The following BCL9 variants were observed in gnomAD, a reference collection of about 807,000 sequenced individuals.
BCL9 encodes the protein B-cell CLL/lymphoma 9 protein.
A neutral mutation model predicts 88.5 loss-of-function variants in BCL9; 25 were observed. The observed-to-expected ratio is 0.28, with a 90% CI of 0.21 to 0.39. The LOEUF (loss-of-function observed/expected upper bound fraction) is 0.39, where lower values mean the gene tolerates loss of function less well. Among genes scored for constraint, BCL9 ranks in the 10% least tolerant of loss-of-function variants. The pLI is 1.00. For missense variants in BCL9, 1,817 were observed against 1,877.8 expected, an observed-to-expected ratio of 0.97 and a Z score of 0.60; for synonymous variants, 711 against 673.3, an observed-to-expected ratio of 1.06 and a Z score of -0.87.
rs781788007 is a variant in BCL9 at position 147,622,302 on chromosome 1, T to C, written c.2934T>C (p.Pro978=). 1 of 1,614,212 alleles carries C rather than the reference T, an allele frequency of 6.2e-7. No individual in the cohort carries two copies. The highest frequency in any genetic ancestry group is 1.1e-5 in the South Asian group (1 of 91,090). ...CCCCACCTCCTACAGCCAGCCAGCCTGCCTCTGTGAATATCCCTGGAAGTC... is the reference window on the plus strand; with the variant it reads ...CCCCACCTCCTACAGCCAGCCAGCCCGCCTCTGTGAATATCCCTGGAAGTC... ...GGPPPPTASQ[P]ASVNIPGSLP... is the part of the protein sequence containing the mutation. The change falls in exon 9 of 10, where the codon CCT becomes CCC. Residue 978 remains proline (P), a synonymous_variant. Coordinates refer to ENST00000234739, the MANE Select transcript of BCL9 (RefSeq NM_004326.4).
chr1:147,600,873 A>G (rs1553201168), intron 1 of BCL9, among the ~76,000 whole-genome samples: 4 of 152,160 alleles, frequency 2.6e-5, no homozygotes, highest in Non-Finnish European at 4.4e-5. Context: ...TCACTGAGTC[A>G]TTGTGGGGGT....
chr1:147,601,076 A>AT (rs2101590086), intron 1 of BCL9, among the ~76,000 whole-genome samples: 2 of 152,238 alleles, frequency 1.3e-5, no homozygotes, highest in South Asian at 4.1e-4. Context: ...CTGTAATAGT[A>AT]TTGCTGGGGG....
chr1:147,590,020 A>G (rs1656783294), intron 1 of BCL9, among the ~76,000 whole-genome samples: 1 of 152,138 alleles, frequency 6.6e-6, no homozygotes, highest in Non-Finnish European at 1.5e-5. Flanking sequence ...CTTTTTTATT[A>G]TAGGCATTCC....
intron 1 of BCL9, chr1:147,600,192 C>G: frequency 6.2e-6 from 1 of 160,104 alleles, no homozygotes; most frequent in Admixed American, 6.6e-5. Flanking sequence ...TGGGACGGCG[C>G]CGCCGCCGCC....
At chr1:147,621,124 T>C (rs1658616773) in intron 8 of BCL9, 67 bp downstream of exon 8, 5 of 1,466,938 alleles carry the variant, frequency 3.4e-6, no homozygotes, top group Non-Finnish European at 4.6e-6. Context: ...ATAGTTACTT[T>C]AAGAAAACTG....
chr1:147,563,130 C>T (rs1655457673), intron 1 of BCL9, among the ~76,000 whole-genome samples: 1 of 152,240 alleles, frequency 6.6e-6, no homozygotes, highest in African/African-American at 2.4e-5. Context: ...AATGTCACCT[C>T]TTCAGAGAGC....
intron 1 of BCL9, among the ~76,000 whole-genome samples, chr1:147,549,985 C>A (rs1654814011): frequency 6.6e-6 from 1 of 152,140 alleles, no homozygotes; most frequent in Admixed American, 6.5e-5. Context: ...TCTACTCTTC[C>A]CACTTCATGG....
chr1:147,588,813 C>T (rs1656727285), intron 1 of BCL9, among the ~76,000 whole-genome samples: 1 of 152,184 alleles, frequency 6.6e-6, no homozygotes, highest in South Asian at 2.1e-4. Context: ...CCTGCACTCC[C>T]TAATGCTGAT....
intron 1 of BCL9, among the ~76,000 whole-genome samples, chr1:147,582,317 C>T (rs1191826831): frequency 6.6e-6 from 1 of 152,206 alleles, no homozygotes; most frequent in South Asian, 2.1e-4. Context: ...GTATAAATTT[C>T]TGTCCAAGTT....
At chr1:147,606,166 G>T (rs1242396561) in intron 2 of BCL9, among the ~76,000 whole-genome samples, 2 of 152,076 alleles carry the variant, frequency 1.3e-5, no homozygotes, top group Admixed American at 6.6e-5. Context: ...GTTCTGCTTG[G>T]CCAGTACTTA....
chr1:147,614,661 G>T, intron 6 of BCL9, 45 bp downstream of exon 6: 1 of 1,520,930 alleles, frequency 6.6e-7, no homozygotes, highest in Non-Finnish European at 8.9e-7. Context: ...GCTTGTCTGG[G>T]GACCTAAATT....
At chr1:147,605,853 A>T (rs1409510092) in intron 2 of BCL9, among the ~76,000 whole-genome samples, 1 of 152,196 alleles carries the variant, frequency 6.6e-6, no homozygotes, top group Non-Finnish European at 1.5e-5. Flanking sequence ...ATAGAAATGA[A>T]ATTTGTTAAA....
chr1:147,621,750 G>A (rs1303699429), intron 8 of BCL9, among the ~76,000 whole-genome samples: 1 of 152,090 alleles, frequency 6.6e-6, no homozygotes, highest in Non-Finnish European at 1.5e-5. Context: ...CTCTCTGTAG[G>A]GTAGCAGTTC....
chr1:147,550,044 C>T (rs937181562), intron 1 of BCL9, among the ~76,000 whole-genome samples: 1 of 152,170 alleles, frequency 6.6e-6, no homozygotes, highest in Non-Finnish European at 1.5e-5. Flanking sequence ...GCAATTTTCC[C>T]TGATAATTGC....
chr1:147,617,456 C>T (rs12072836), intron 7 of BCL9, among the ~76,000 whole-genome samples: 2,869 of 152,286 alleles, frequency 0.019, 112 homozygotes, highest in African/African-American at 0.065. Context: ...GTGACCTCTA[C>T]ACTCCAGTTA....
chr1:147,558,754 C>T (rs1465441995), intron 1 of BCL9, among the ~76,000 whole-genome samples: 1 of 152,140 alleles, frequency 6.6e-6, no homozygotes, highest in Non-Finnish European at 1.5e-5. Context: ...TCTTTCTCTC[C>T]AGCTACTATA....
chr1:147,573,328 C>T (rs1655966803), intron 1 of BCL9, among the ~76,000 whole-genome samples: 1 of 152,164 alleles, frequency 6.6e-6, no homozygotes, highest in Non-Finnish European at 1.5e-5. Context: ...TGGCACATGC[C>T]TGTAATCCCA....
intron 1 of BCL9, among the ~76,000 whole-genome samples, chr1:147,550,018 T>C (rs1553194663): frequency 6.6e-6 from 1 of 152,226 alleles, no homozygotes; most frequent in Non-Finnish European, 1.5e-5. Flanking sequence ...GTTTCTTTCC[T>C]TACATTCTTT....
intron 1 of BCL9, among the ~76,000 whole-genome samples, chr1:147,598,213 C>A (rs1259226024): frequency 1.3e-5 from 2 of 152,188 alleles, no homozygotes; most frequent in African/African-American, 4.8e-5. Context: ...GGGTTCTTAG[C>A]TATGTTACAT....
Sources: gnomAD v4.1 joint callset for allele counts (sites outside exome capture counted in the v4.1 genomes callset) on GRCh38, gnomAD v4.1.1 for gene constraint, MANE v1.5 for transcripts, NCBI Gene and HGNC (gene_info 2026-07-23, HGNC 2026-07-21) for gene names.